FNDC1: variants seen among roughly 807,000 people sequenced by gnomAD.
FNDC1 encodes the protein fibronectin type III domain containing 1, also known as fibronectin type III domain-containing protein 1.
A neutral mutation model predicts 168.0 loss-of-function variants in FNDC1; 96 were observed. That is an observed-to-expected ratio of 0.57 (90% CI 0.48 to 0.68). The LOEUF (loss-of-function observed/expected upper bound fraction) is 0.68. Ranked by LOEUF, FNDC1 falls within the 30% of genes least tolerant of loss-of-function variation. The pLI is 0.00. For missense variants in FNDC1, 2,587 were observed against 2,482.1 expected, an observed-to-expected ratio of 1.04 and a Z score of -0.90; for synonymous variants, 1,099 against 1,025.9, an observed-to-expected ratio of 1.07 and a Z score of -1.36.
intron 17 of FNDC1, among the ~76,000 whole-genome samples, chr6:159,252,947 TGAA>T (rs1664579354): frequency 6.6e-6 from 1 of 152,166 alleles, no homozygotes; most frequent in African/African-American, 2.4e-5. Flanking sequence ...GTTCTTGCAG[TGAA>T]GAAGGAGCTT....
chr6:159,197,780 G>A lies in FNDC1; in HGVS notation c.304+155G>A, dbSNP rs55847451. 7.9e-3 allele frequency among the ~76,000 whole-genome samples: 1,205 copies of A among 152,312 alleles called. 14 individuals carry two copies. Among genetic ancestry groups the A allele is most frequent in the African/African-American group, 0.027 (1,135 of 41,560 alleles). On this transcript the variant is annotated intron_variant, in intron 2 of 22. Coordinates refer to ENST00000297267, the MANE Select transcript of FNDC1 (RefSeq NM_032532.3). ...AGAGCTGAGTTCTGAGATGCTTGTC[G>A]GAGGCTGCTGTTTGACAGCCGGTGT...
chr6:159,170,484 T>C (rs1222217724), intron 1 of FNDC1, among the ~76,000 whole-genome samples: 3 of 152,224 alleles, frequency 2.0e-5, no homozygotes, highest in African/African-American at 4.8e-5. Flanking sequence ...GAGACAAGTT[T>C]GTGGCGAGGT....
Position 159,233,637 on chromosome 6 carries a change from G to A in FNDC1, c.3125G>A (p.Arg1042His). Residue 1042 changes from arginine (R) to histidine (H), a missense_variant, in exon 11 of 23, where the codon CGC becomes CAC. Physicochemically the swap from Arg to His is conservative, Grantham distance 29. Coordinates refer to ENST00000297267, the MANE Select transcript of FNDC1 (RefSeq NM_032532.3). This position sits in a 1 kb window ranked among gnomAD's most constrained non-coding sequence, Gnocchi z 4.6. ...RLSLTQAGRP[R>H]PTSQGRSHSS... The stretch of plus-strand genomic sequence containing the variant: ...TCACTGACCCAGGCCGGGCGGCCCC[G>A]CCCCACGTCGCAGGGCCGCTCCCAC... 6.4e-7 allele frequency: 1 copy of A among 1,552,416 alleles called. No homozygotes were observed. The highest frequency in any genetic ancestry group is 8.7e-7 in the Non-Finnish European group (1 of 1,150,708).
rs532569179 is a variant in FNDC1, at chr6:159,268,507, A to C, written c.5569+581A>C. Among the ~76,000 whole-genome samples, 4 of 152,344 alleles carry C rather than the reference A, an allele frequency of 2.6e-5. No homozygotes were observed. In the South Asian group the frequency reaches 6.2e-4, roughly 24 times the overall value. On this transcript the variant is annotated intron_variant, in intron 22 of 22. Transcript: ENST00000297267. ...AAATACAGAAAAGAGTAAAATAAGC[A>C]TATTAGTCAAGGTTCTCTCATCCAA...
intron 4 of FNDC1, among the ~76,000 whole-genome samples, chr6:159,213,693 A>G (rs1184749460): frequency 8.1e-6 from 1 of 124,066 alleles, no homozygotes; most frequent in African/African-American, 3.9e-5. Context: ...ATACTTTTGG[A>G]CTAAAAACAA....
intron 22 of FNDC1, among the ~76,000 whole-genome samples, chr6:159,269,131 T>C (rs200692262): frequency 0.061 from 4,423 of 71,974 alleles, no homozygotes; most frequent in Middle Eastern, 0.1. Context: ...CATCCATCTG[T>C]CCATCCATCT....
At chr6:159,257,757 G>A (rs1409651718) in intron 18 of FNDC1, among the ~76,000 whole-genome samples, 1 of 152,132 alleles carries the variant, frequency 6.6e-6, no homozygotes, top group Non-Finnish European at 1.5e-5. Flanking sequence ...TATGAATTTT[G>A]GGATTTGGCA....
Position 159,226,483 on chromosome 6 carries a change from A to C in FNDC1, c.1083A>C (p.Thr361=). The C allele has an allele frequency of 6.2e-7, 1 of 1,611,864 alleles. No homozygotes were observed. The highest frequency in any genetic ancestry group is 1.1e-5 in the South Asian group (1 of 90,346). The stretch of plus-strand genomic sequence containing the variant: ...CTTGTCATTTTGTAGCCCCTACCAC[A>C]GCTCCTGAAAACTTGAACGTCTGGC... ...FQRTPESAPT[T]APENLNVWPV... Residue 361 remains threonine, a synonymous_variant, in exon 9 of 23, where the codon ACA becomes ACC. Coordinates refer to ENST00000297267, the MANE Select transcript of FNDC1 (RefSeq NM_032532.3).
chr6:159,247,141 A>G (rs1386818952), intron 15 of FNDC1, among the ~76,000 whole-genome samples, 172 bp downstream of exon 15: 1 of 152,036 alleles, frequency 6.6e-6, no homozygotes, highest in Admixed American at 6.5e-5. Context: ...CTTCCTTGTC[A>G]CTCCCAAATG....
In FNDC1 at chr6:159,229,888, T is replaced by C; in HGVS notation, c.1254T>C (p.Thr418=). 6.2e-7 allele frequency: 1 copy of C among 1,613,972 alleles called. No homozygotes were observed. ...CCCTCACCTATCCTGGAGACACTAC[T>C]TCTGCCCTGGTGGATGGTCTGCAGC... ...AKSLTYPGDT[T]SALVDGLQPG... The change falls in exon 10 of 23, where the codon ACT becomes ACC. Residue 418 remains threonine (T), a synonymous_variant. Coordinates refer to ENST00000297267, the MANE Select transcript of FNDC1 (RefSeq NM_032532.3).
intron 4 of FNDC1, among the ~76,000 whole-genome samples, chr6:159,205,593 C>A (rs1244072342): frequency 6.6e-6 from 1 of 152,224 alleles, no homozygotes; most frequent in Non-Finnish European, 1.5e-5. Flanking sequence ...CCAGATTTCT[C>A]AGCTATGAAA....
At chr6:159,216,418 C>T (rs1178908409) in intron 5 of FNDC1, among the ~76,000 whole-genome samples, 1 of 152,200 alleles carries the variant, frequency 6.6e-6, no homozygotes, top group East Asian at 1.9e-4. Context: ...ATTATGTGCT[C>T]CTTCTGGCCT....
Position 159,232,157 on chromosome 6 carries a change from C to A in FNDC1, c.1645C>A (p.Arg549=), listed in dbSNP as rs760115838. 1 of 1,613,860 alleles carries A rather than the reference C, an allele frequency of 6.2e-7. No homozygotes were observed. The highest frequency in any genetic ancestry group is 1.7e-5 in the Admixed American group (1 of 60,016). Residue 549 remains arginine, a synonymous_variant, in exon 11 of 23, where the codon CGG becomes AGG. Coordinates refer to ENST00000297267, the MANE Select transcript of FNDC1 (RefSeq NM_032532.3). This position sits in a 1 kb window ranked among gnomAD's most constrained non-coding sequence, Gnocchi z 4.9. ...CACTGGGGAGGAGGAGCTGGGTTCC[C>A]GGGAGGACTCGCCCATGTCACCCTC... The part of the protein sequence containing the change: ...EITGEEELGS[R]EDSPMSPSDT...
chr6:159,201,560 T>G (rs1782378855), intron 4 of FNDC1, among the ~76,000 whole-genome samples: 1 of 152,180 alleles, frequency 6.6e-6, no homozygotes, highest in Admixed American at 6.5e-5. Flanking sequence ...AGACATGGAC[T>G]TAGGAGTCAT....
intron 1 of FNDC1, among the ~76,000 whole-genome samples, chr6:159,178,877 G>C (rs1415773201): frequency 6.6e-6 from 1 of 151,636 alleles, no homozygotes; most frequent in Admixed American, 6.6e-5. Context: ...CACTGCTCCT[G>C]TCCTCTCCCG....
intron 1 of FNDC1, among the ~76,000 whole-genome samples, chr6:159,181,928 T>G (rs1781888464): frequency 6.6e-6 from 1 of 152,210 alleles, no homozygotes; most frequent in Non-Finnish European, 1.5e-5. Flanking sequence ...TCCTGTAACA[T>G]GTGCCCTGGC....
At chr6:159,173,073 A>G (rs1388628351) in intron 1 of FNDC1, among the ~76,000 whole-genome samples, 2 of 152,236 alleles carry the variant, frequency 1.3e-5, no homozygotes, top group Non-Finnish European at 2.9e-5. Flanking sequence ...TTTCGTTTTA[A>G]TTCCCAGTAA....
intron 14 of FNDC1, among the ~76,000 whole-genome samples, chr6:159,245,265 T>G (rs1269937114): frequency 1.3e-5 from 2 of 152,182 alleles, no homozygotes; most frequent in Non-Finnish European, 2.9e-5. Flanking sequence ...CCATATCAGC[T>G]GAGAAGTGGG....
intron 18 of FNDC1, among the ~76,000 whole-genome samples, chr6:159,260,790 T>C (rs573433044): frequency 6.6e-6 from 1 of 152,238 alleles, no homozygotes; most frequent in South Asian, 2.1e-4. Context: ...CCTCTCTCTC[T>C]TGGGCTGTGG....
Sources: allele counts gnomAD v4.1 joint callset (sites outside exome capture counted in the v4.1 genomes callset), GRCh38; gene constraint gnomAD v4.1.1; non-coding constraint Gnocchi (gnomAD v3.1); transcripts MANE v1.5; gene names NCBI Gene and HGNC (gene_info 2026-07-23, HGNC 2026-07-21).